The following OXR1 variants were observed in gnomAD, a reference collection of about 807,000 sequenced individuals.
OXR1 encodes the protein oxidation resistance protein 1.
OXR1 carries 41 observed loss-of-function variants against 104.6 expected under a neutral mutation model. The observed-to-expected ratio is 0.39, with a 90% CI of 0.31 to 0.51. OXR1 has a LOEUF of 0.51. Ranked by LOEUF, OXR1 falls within the 20% of genes least tolerant of loss-of-function variation. The pLI is 0.77. For missense variants in OXR1, 955 were observed against 1,031.9 expected, an observed-to-expected ratio of 0.93 and a Z score of 1.02; for synonymous variants, 348 against 348.4, an observed-to-expected ratio of 1.00 and a Z score of 0.01.
Position 106,270,209 on chromosome 8 carries a change from A to T in OXR1, c.-297A>T, listed in dbSNP as rs1488078969. The T allele has an allele frequency of 6.6e-6, 1 of 152,166 alleles. No individual in the cohort carries two copies. Among genetic ancestry groups the T allele is most frequent in the African/African-American group, 2.4e-5 (1 of 41,428 alleles). The allele number at this position is 152,166 out of a possible 1,614,324, so 9.4% of individuals were successfully genotyped here. On this transcript the variant is annotated 5_prime_UTR_variant, in exon 1 of 17. Coordinates refer to ENST00000517566, the MANE Select transcript of OXR1 (RefSeq NM_001198533.2). ...GCAAGCGCTCAGCGGCGCCGGCAGC[A>T]GCGGGGCTAGAGCTGGGCTGCGTCA...
intron 2 of OXR1, among the ~76,000 whole-genome samples, chr8:106,452,928 G>T (rs1362662611): frequency 1.4e-5 from 2 of 147,446 alleles, no homozygotes; most frequent in African/African-American, 4.9e-5. Context: ...TGGATTATCT[G>T]CCCCGAACTT....
In OXR1 at chr8:106,684,377, G is replaced by A. The variant is rs918572840; in HGVS notation, c.525+18G>A. 1 of 1,198,998 alleles carries A rather than the reference G, an allele frequency of 8.3e-7. No homozygotes were observed. Among genetic ancestry groups the A allele is most frequent in the Non-Finnish European group, 1.2e-6 (1 of 803,974 alleles). 74.3% of individuals were successfully genotyped at this position (1,198,998 alleles called of 1,614,324 possible). ...AGACCACTGTAAGTATCTCTGCTTT[G>A]CAAAGATGGCGATGAAGAAATCTCA... On this transcript the variant is annotated intron_variant, in intron 6 of 16. Transcript: ENST00000517566.
intron 3 of OXR1, among the ~76,000 whole-genome samples, chr8:106,647,908 C>T (rs887110009): frequency 9.2e-5 from 14 of 152,182 alleles, no homozygotes; most frequent in Admixed American, 2.6e-4. Context: ...AGTTTATTAA[C>T]ATAGCTAGCC....
At chr8:106,302,013 C>T (rs1245976020) in intron 1 of OXR1, among the ~76,000 whole-genome samples, 3 of 152,114 alleles carry the variant, frequency 2.0e-5, no homozygotes, top group Non-Finnish European at 2.9e-5. Flanking sequence ...TGTTAAATTA[C>T]TGATAATAGG....
intron 2 of OXR1, among the ~76,000 whole-genome samples, chr8:106,513,512 C>G (rs1812673267): frequency 6.6e-6 from 1 of 152,054 alleles, no homozygotes; most frequent in African/African-American, 2.4e-5. Flanking sequence ...CATTGCATAC[C>G]ACATAAGGGA....
chr8:106,681,113 C>G (rs780265003), intron 4 of OXR1, among the ~76,000 whole-genome samples: 4 of 152,098 alleles, frequency 2.6e-5, no homozygotes, highest in Non-Finnish European at 4.4e-5. Flanking sequence ...AGCCCTGATG[C>G]CAGTAATATG....
chr8:106,714,306 TATTA>T (rs1459202170), intron 11 of OXR1, among the ~76,000 whole-genome samples: 4 of 152,058 alleles, frequency 2.6e-5, no homozygotes, highest in Non-Finnish European at 2.9e-5. Context: ...TTTGCTGTTA[TATTA>T]ATTTTCATAA....
intron 2 of OXR1, among the ~76,000 whole-genome samples, chr8:106,372,162 G>A (rs991750878): frequency 4.6e-5 from 7 of 152,190 alleles, no homozygotes; most frequent in African/African-American, 1.7e-4. Flanking sequence ...TTCGCAACTG[G>A]TATCTTCCAA....
rs552421492 is a variant in OXR1, at chr8:106,698,048, A to C, written c.676-4858A>C. The C allele has an allele frequency of 1.6e-5, 24 of 1,495,384 alleles. No individual in the cohort carries two copies. The South Asian group carries it at 2.5e-4, about 16-fold the overall frequency. The allele number at this position is 1,495,384 out of a possible 1,614,324, so 92.6% of individuals were successfully genotyped here. A position where few individuals can be genotyped will look rare whatever the true frequency, so the allele number is the denominator to read the frequency against. ...TGGCGGTGGCTGCGGGGAGCGTTCAAACGGGCTGGAGAGCGGCACACTCAC... is the reference window on the plus strand; with the variant it reads ...TGGCGGTGGCTGCGGGGAGCGTTCACACGGGCTGGAGAGCGGCACACTCAC... On this transcript the variant is annotated intron_variant, in intron 7 of 16. Coordinates refer to ENST00000517566, the MANE Select transcript of OXR1 (RefSeq NM_001198533.2).
chr8:106,564,071 T>TA (rs1816890603), intron 3 of OXR1, among the ~76,000 whole-genome samples: 1 of 151,890 alleles, frequency 6.6e-6, no homozygotes, highest in Admixed American at 6.6e-5. Flanking sequence ...AGATCACAAT[T>TA]AAAAAACTAG....
chr8:106,550,628 G>C (rs1393780269), intron 3 of OXR1, among the ~76,000 whole-genome samples: 1 of 152,118 alleles, frequency 6.6e-6, no homozygotes, highest in Admixed American at 6.5e-5. Flanking sequence ...GTTCTCATGA[G>C]ATCTGATGGT....
chr8:106,493,148 C>A, intron 2 of OXR1, among the ~76,000 whole-genome samples: 1 of 152,120 alleles, frequency 6.6e-6, no homozygotes, highest in East Asian at 1.9e-4. Context: ...ATATGGGTAG[C>A]TAACTGGTGG....
intron 3 of OXR1, among the ~76,000 whole-genome samples, chr8:106,623,548 G>GA (rs1821898234): frequency 6.6e-6 from 1 of 152,074 alleles, no homozygotes; most frequent in Non-Finnish European, 1.5e-5. Context: ...GAATTCAGAA[G>GA]AAAAAACATC....
chr8:106,697,919 G>A, intron 7 of OXR1: 1 of 1,612,278 alleles, frequency 6.2e-7, no homozygotes, highest in Admixed American at 1.7e-5. Flanking sequence ...GTGATCCACT[G>A]GATCAGGATC....
Position 106,697,738 on chromosome 8 carries a change from T to G in OXR1, c.675+4861T>G, listed in dbSNP as rs530433021. On this transcript the variant is annotated intron_variant, in intron 7 of 16. Coordinates refer to ENST00000517566, the MANE Select transcript of OXR1 (RefSeq NM_001198533.2). ...AGCTGCTTGCAGGAACTGAGAGATCTTCTCCATCTGCTTGAAGGCCATGGT... is the reference window on the plus strand; with the variant it reads ...AGCTGCTTGCAGGAACTGAGAGATCGTCTCCATCTGCTTGAAGGCCATGGT... The G allele has an allele frequency of 2.5e-6, 4 of 1,613,948 alleles. No individual in the cohort carries two copies. In the East Asian group the frequency reaches 6.7e-5, roughly 27 times the overall value.
At chr8:106,424,898 CT>C (rs1006937913) in intron 2 of OXR1, among the ~76,000 whole-genome samples, 1 of 151,434 alleles carries the variant, frequency 6.6e-6, no homozygotes, top group African/African-American at 2.4e-5. Context: ...ACATTTCTTC[CT>C]TTTGATTTGA....
intron 2 of OXR1, among the ~76,000 whole-genome samples, chr8:106,445,526 G>GCCTCATTACC (rs1819976636): frequency 2.0e-5 from 3 of 152,112 alleles, no homozygotes; most frequent in Admixed American, 2.0e-4. Context: ...AAGACGACTA[G>GCCTCATTACC]CCTCATTACC....
chr8:106,512,111 T>C (rs140181890), intron 2 of OXR1, among the ~76,000 whole-genome samples: 2 of 152,314 alleles, frequency 1.3e-5, no homozygotes, highest in South Asian at 2.1e-4. Flanking sequence ...TCATGTCAAT[T>C]TTATGACAGA....
chr8:106,325,737 C>A (rs981095402), intron 1 of OXR1, among the ~76,000 whole-genome samples: 8 of 152,120 alleles, frequency 5.3e-5, no homozygotes, highest in African/African-American at 1.9e-4. Flanking sequence ...TAGGAATATA[C>A]CCATAAAGAG....
Sources: gnomAD v4.1 joint callset for allele counts (sites outside exome capture counted in the v4.1 genomes callset) on GRCh38, gnomAD v4.1.1 for gene constraint, MANE v1.5 for transcripts, NCBI Gene and HGNC (gene_info 2026-07-23, HGNC 2026-07-21) for gene names.